LPP: variants seen among roughly 807,000 people sequenced by gnomAD.
LPP encodes the protein LIM domain containing preferred translocation partner in lipoma.
A neutral mutation model predicts 60.4 loss-of-function variants in LPP; 38 were observed. That is an observed-to-expected ratio of 0.63 (90% CI 0.49 to 0.83). The LOEUF (loss-of-function observed/expected upper bound fraction) is 0.83, where lower values mean the gene tolerates loss of function less well. Among genes scored for constraint, LPP ranks in the 40% least tolerant of loss-of-function variants. The pLI is 0.00. For synonymous variants in LPP, 328 were observed against 290.8 expected, an observed-to-expected ratio of 1.13 and a Z score of -1.30; for missense variants, 902 against 783.6, an observed-to-expected ratio of 1.15 and a Z score of -1.80.
At chr3:188,740,046 A>G (rs1445546193) in intron 8 of LPP, among the ~76,000 whole-genome samples, 1 of 152,080 alleles carries the variant, frequency 6.6e-6, no homozygotes. Context: ...GTTCGCAGAA[A>G]TCACCAGTAG....
intron 2 of LPP, among the ~76,000 whole-genome samples, chr3:188,311,131 T>G (rs530142561): frequency 8.9e-4 from 135 of 152,168 alleles, no homozygotes; most frequent in South Asian, 4.1e-4. Context: ...TGAGGCCGGG[T>G]GCAGTGGCCC....
intron 5 of LPP, among the ~76,000 whole-genome samples, chr3:188,520,278 C>T (rs558949577): frequency 5.4e-4 from 82 of 152,320 alleles, no homozygotes; most frequent in African/African-American, 1.8e-3. Context: ...TTTGGTGCCC[C>T]ACCTCGCATC....
intron 9 of LPP, among the ~76,000 whole-genome samples, chr3:188,771,370 G>A (rs1170613671): frequency 6.6e-6 from 1 of 151,914 alleles, no homozygotes; most frequent in Non-Finnish European, 1.5e-5. Flanking sequence ...CTAACATAGT[G>A]AAACTCCATC....
chr3:188,279,974 A>G (rs1385601783), intron 2 of LPP, among the ~76,000 whole-genome samples: 2 of 152,196 alleles, frequency 1.3e-5, no homozygotes, highest in East Asian at 1.9e-4. Context: ...GCTATAGTTT[A>G]TTACTACCTT....
Position 188,623,162 on chromosome 3 carries a change from T to C in LPP, c.1113+13318T>C, listed in dbSNP as rs200382140. Among the ~76,000 whole-genome samples, 854 of 151,930 alleles carry C rather than the reference T, an allele frequency of 5.6e-3. 5 individuals carry two copies. Among genetic ancestry groups the C allele is most frequent in the Non-Finnish European group, 8.8e-3 (599 of 67,990 alleles). On this transcript the variant is annotated intron_variant, in intron 7 of 11. Coordinates refer to ENST00000617246, the MANE Select transcript of LPP (RefSeq NM_001375462.1). ...AAGGGCTTAAAGAGTGGCTCTTAAG[T>C]GTAAATGCTAGGAAGCACCCAATTA... is the stretch of plus-strand genomic sequence containing the variant.
intron 1 of LPP, among the ~76,000 whole-genome samples, chr3:188,186,670 A>G (rs1459655480): frequency 6.6e-6 from 1 of 152,036 alleles, no homozygotes; most frequent in Admixed American, 6.5e-5. Context: ...TTACAATAAA[A>G]CAGTAATTTC....
intron 8 of LPP, among the ~76,000 whole-genome samples, chr3:188,739,956 T>C (rs1298052622): frequency 6.6e-6 from 1 of 152,112 alleles, no homozygotes; most frequent in African/African-American, 2.4e-5. Context: ...CCAATGACTG[T>C]CATTCATTGG....
chr3:188,602,805 T>G (rs918836911), intron 6 of LPP, among the ~76,000 whole-genome samples: 1 of 151,390 alleles, frequency 6.6e-6, no homozygotes, highest in Non-Finnish European at 1.5e-5. Flanking sequence ...TCTAGAGAAG[T>G]CACGTGACTT....
At chr3:188,506,429 T>G (rs1452560641) in intron 5 of LPP, among the ~76,000 whole-genome samples, 2 of 152,340 alleles carry the variant, frequency 1.3e-5, no homozygotes, top group Middle Eastern at 3.4e-3. Context: ...ATATACCCTT[T>G]TGTGGGGTAA....
chr3:188,341,108 C>T (rs968615648), intron 2 of LPP, among the ~76,000 whole-genome samples: 12 of 152,116 alleles, frequency 7.9e-5, no homozygotes, highest in African/African-American at 2.7e-4. Flanking sequence ...TGTACTTTTC[C>T]CATTTCCTCA....
chr3:188,206,610 TAC>T (rs1733298718), intron 1 of LPP, among the ~76,000 whole-genome samples: 1 of 152,232 alleles, frequency 6.6e-6, no homozygotes, highest in African/African-American at 2.4e-5. Context: ...ATTTTTGTTA[TAC>T]AAGATTGTTA....
chr3:188,882,889 C>A lies in LPP; in HGVS notation c.*8410C>A, dbSNP rs963979404. 1.1e-5 allele frequency: 2 copies of A among 181,450 alleles called. No individual in the cohort carries two copies. The highest frequency in any genetic ancestry group is 1.2e-5 in the Non-Finnish European group (1 of 85,116). 11.2% of individuals were successfully genotyped at this position (181,450 alleles called of 1,614,324 possible). Reference sequence around the variant, plus strand: ...GAGTAGCTGGGACTACAGACGCCCGCCACCGCGCCCAGCTAATTTTTTTTG... The same window carrying A: ...GAGTAGCTGGGACTACAGACGCCCGACACCGCGCCCAGCTAATTTTTTTTG... On this transcript the variant is annotated 3_prime_UTR_variant, in exon 12 of 12. Coordinates refer to ENST00000617246, the MANE Select transcript of LPP (RefSeq NM_001375462.1).
chr3:188,262,260 A>G lies in LPP; in HGVS notation c.-67+36733A>G, dbSNP rs1733921182. On this transcript the variant is annotated intron_variant, in intron 2 of 11. Transcript: ENST00000617246. Reference sequence around the variant, plus strand: ...CAACGAGCTGCTTGACTCTACCGATATTCCCTACCAAGCACGATTATGGGT... The same window carrying G: ...CAACGAGCTGCTTGACTCTACCGATGTTCCCTACCAAGCACGATTATGGGT... Among the ~76,000 whole-genome samples the G allele has an allele frequency of 2.6e-5, 4 of 152,216 alleles. No individual in the cohort carries two copies. In the South Asian group the frequency reaches 8.3e-4, roughly 32 times the overall value.
chr3:188,489,176 G>A (rs547845828), intron 5 of LPP, among the ~76,000 whole-genome samples: 2 of 152,264 alleles, frequency 1.3e-5, no homozygotes, highest in East Asian at 3.9e-4. Context: ...TGATAGGTGA[G>A]GCAGTGCTGC....
At chr3:188,713,054 A>G (rs1712258506) in intron 8 of LPP, among the ~76,000 whole-genome samples, 1 of 152,238 alleles carries the variant, frequency 6.6e-6, no homozygotes, top group Non-Finnish European at 1.5e-5. Context: ...TGACTTAAGT[A>G]CAAAGGAGAA....
chr3:188,685,947 G>A (rs1198367228), intron 7 of LPP, among the ~76,000 whole-genome samples: 1 of 152,100 alleles, frequency 6.6e-6, no homozygotes. Context: ...CCATCATGAT[G>A]ATGTGATGAT....
intron 9 of LPP, among the ~76,000 whole-genome samples, chr3:188,836,384 C>T (rs950951230): frequency 3.3e-5 from 5 of 152,162 alleles, no homozygotes; most frequent in African/African-American, 1.2e-4. Flanking sequence ...TTGTATTTGC[C>T]GTAGCCTTAT....
chr3:188,600,949 T>C (rs758344688), intron 6 of LPP, among the ~76,000 whole-genome samples: 1 of 152,110 alleles, frequency 6.6e-6, no homozygotes, highest in African/African-American at 2.4e-5. Flanking sequence ...GATATATAGA[T>C]AGATATAGAT....
At position 188,433,983 on chromosome 3, in the gene LPP, G is replaced by A. The variant is rs555189066; in HGVS notation, c.193+27670G>A. On this transcript the variant is annotated intron_variant, in intron 4 of 11. Transcript: ENST00000617246. ...TGAGAGAAAGTGGGGAGGGTGAATG[G>A]TAGTATAACTTCATCGTGTCCCATG... 2.2e-4 allele frequency among the ~76,000 whole-genome samples: 33 copies of A among 152,270 alleles called. No homozygotes were observed. In the South Asian group the frequency reaches 6.8e-3, roughly 32 times the overall value.
Sources: gnomAD v4.1 joint callset for allele counts (sites outside exome capture counted in the v4.1 genomes callset) on GRCh38, gnomAD v4.1.1 for gene constraint, MANE v1.5 for transcripts, NCBI Gene and HGNC (gene_info 2026-07-23, HGNC 2026-07-21) for gene names.